SLC2A13: variants seen among roughly 807,000 people sequenced by gnomAD.
The protein encoded by SLC2A13 is solute carrier family 2 member 13.
SLC2A13 carries 32 observed loss-of-function variants against 64.4 expected under a neutral mutation model. That is an observed-to-expected ratio of 0.50 (90% confidence interval 0.37 to 0.67). The LOEUF (loss-of-function observed/expected upper bound fraction) is 0.67. Among genes scored for constraint, SLC2A13 ranks in the 30% least tolerant of loss-of-function variants. SLC2A13 has a pLI of 0.00. For missense variants in SLC2A13, 743 were observed against 829.2 expected (o/e 0.90, Z 1.28); for synonymous variants, 338 against 327.1 (o/e 1.03, Z -0.36).
chr12:39,838,209 G>T (rs544812962), intron 6 of SLC2A13, among the ~76,000 whole-genome samples: 1 of 151,160 alleles, frequency 6.6e-6, no homozygotes, highest in South Asian at 2.1e-4. Context: ...GATGAAATTG[G>T]AAATCATCAT....
chr12:39,795,360 A>G (rs1344714605), intron 7 of SLC2A13, among the ~76,000 whole-genome samples: 1 of 152,140 alleles, frequency 6.6e-6, no homozygotes, highest in Non-Finnish European at 1.5e-5. Context: ...CTTTTCTAGA[A>G]TTTTTATAAT....
chr12:39,883,021 G>A (rs562588523), intron 4 of SLC2A13, among the ~76,000 whole-genome samples: 2 of 152,002 alleles, frequency 1.3e-5, no homozygotes, highest in Non-Finnish European at 2.9e-5. Context: ...GAATGAATGG[G>A]TTCATATGGC....
chr12:39,788,812 C>G (rs1049189207), intron 7 of SLC2A13: 1 of 152,108 alleles, frequency 6.6e-6, no homozygotes, highest in Non-Finnish European at 1.5e-5. Context: ...GCTCAACAAT[C>G]GAAGTTGCCC....
intron 4 of SLC2A13, among the ~76,000 whole-genome samples, chr12:39,918,362 CT>C (rs5797644): frequency 0.2 from 29,200 of 147,218 alleles, 3,062 homozygotes; most frequent in Non-Finnish European, 0.23. Flanking sequence ...CAGAAGTTTC[CT>C]TTTTTTTTTT....
intron 7 of SLC2A13, among the ~76,000 whole-genome samples, chr12:39,822,084 A>C (rs969119223): frequency 2.2e-4 from 20 of 89,832 alleles, no homozygotes; most frequent in African/African-American, 8.6e-4. Context: ...CCCACCCCAC[A>C]ACAGTCCCCA....
chr12:39,818,878 C>G (rs550298407), intron 7 of SLC2A13, among the ~76,000 whole-genome samples: 10 of 152,126 alleles, frequency 6.6e-5, no homozygotes, highest in African/African-American at 2.2e-4. Flanking sequence ...TCTGATCTGG[C>G]CCTTTCCTTC....
chr12:40,011,835 G>A (rs187005952), intron 3 of SLC2A13, among the ~76,000 whole-genome samples: 22 of 152,280 alleles, frequency 1.4e-4, no homozygotes, highest in Admixed American at 4.6e-4. Flanking sequence ...TGTGAGTCCC[G>A]TGCTCAAAAA....
intron 7 of SLC2A13, among the ~76,000 whole-genome samples, chr12:39,807,383 C>T (rs185845014): frequency 1.3e-5 from 2 of 152,258 alleles, no homozygotes; most frequent in East Asian, 1.9e-4. Flanking sequence ...TGGATTGAAA[C>T]AATATCAATC....
At chr12:40,048,243 T>G (rs1193034913) in intron 1 of SLC2A13, 33 bp from the exon 2 acceptor site, 3 of 1,571,532 alleles carry the variant, frequency 1.9e-6, no homozygotes, top group Non-Finnish European at 2.6e-6. Context: ...ATGTGAGACA[T>G]TTACTCAAGA....
chr12:39,785,912 C>T (rs1441973150), intron 7 of SLC2A13, among the ~76,000 whole-genome samples: 2 of 152,272 alleles, frequency 1.3e-5, no homozygotes, highest in East Asian at 3.9e-4. Context: ...GCTGAATTTA[C>T]CCAATACCTG....
intron 3 of SLC2A13, among the ~76,000 whole-genome samples, chr12:40,010,487 T>G (rs1947511544): frequency 6.6e-6 from 1 of 152,192 alleles, no homozygotes; most frequent in African/African-American, 2.4e-5. Flanking sequence ...AGCATTGTTT[T>G]TCTTGCAAAA....
At chr12:39,904,200 T>A (rs1387940594) in intron 4 of SLC2A13, among the ~76,000 whole-genome samples, 1 of 152,086 alleles carries the variant, frequency 6.6e-6, no homozygotes, top group Non-Finnish European at 1.5e-5. Flanking sequence ...GAAATGTTGT[T>A]TACCAGGGAA....
intron 4 of SLC2A13, among the ~76,000 whole-genome samples, chr12:39,947,691 C>T (rs1483151580): frequency 3.8e-5 from 5 of 130,778 alleles, no homozygotes; most frequent in East Asian, 2.5e-4. Context: ...GACGGAGTGT[C>T]GCTCAGTCGC....
chr12:39,959,995 C>T (rs933640879), intron 3 of SLC2A13, among the ~76,000 whole-genome samples: 3 of 152,134 alleles, frequency 2.0e-5, no homozygotes, highest in East Asian at 3.8e-4. Context: ...CCCAGACAGG[C>T]CCCAGTGTGT....
At chr12:40,032,551 T>G (rs1947921120) in intron 2 of SLC2A13, among the ~76,000 whole-genome samples, 1 of 152,144 alleles carries the variant, frequency 6.6e-6, no homozygotes, top group South Asian at 2.1e-4. Flanking sequence ...TCCCACCAAT[T>G]TCACCTCAGG....
In SLC2A13 at chr12:39,898,196, G is replaced by C. The variant is rs1013476079; in HGVS notation, c.1035-26235C>G. ...ATAAATTTCTAGAAGTAAATATGAT[G>C]GGTTTAATGTCTCTTTTTAAGACTA... On this transcript the variant is annotated intron_variant, in intron 4 of 9. Coordinates refer to ENST00000280871, the MANE Select transcript of SLC2A13 (RefSeq NM_052885.4). 2.6e-5 allele frequency among the ~76,000 whole-genome samples: 4 copies of C among 152,062 alleles called. No homozygotes were observed. The South Asian group carries it at 8.3e-4, about 32-fold the overall frequency.
chr12:39,959,341 C>T (rs1946370289), intron 3 of SLC2A13, among the ~76,000 whole-genome samples: 1 of 152,258 alleles, frequency 6.6e-6, no homozygotes, highest in Non-Finnish European at 1.5e-5. Context: ...TATGCCAATA[C>T]ATTCCAAAAT....
chr12:39,916,789 C>T (rs1056315464), intron 4 of SLC2A13, among the ~76,000 whole-genome samples: 2 of 149,686 alleles, frequency 1.3e-5, no homozygotes, highest in Admixed American at 6.8e-5. Flanking sequence ...CCTTCCAAGT[C>T]GGTAGTCATT....
chr12:39,952,298 A>G lies in SLC2A13; in HGVS notation c.926-933T>C, dbSNP rs367951539. Among the ~76,000 whole-genome samples, 63 of 152,226 alleles carry G rather than the reference A, an allele frequency of 4.1e-4. 1 individual carries two copies. The South Asian group carries it at 0.013, about 31-fold the overall frequency. On this transcript the variant is annotated intron_variant, in intron 3 of 9. Coordinates refer to ENST00000280871, the MANE Select transcript of SLC2A13 (RefSeq NM_052885.4). The stretch of plus-strand genomic sequence containing the variant: ...AATGGAGCTAGAGTCAACTCCCAGG[A>G]CCTATGGTATTCCCGCTGTTAGAAG...
Sources: gnomAD v4.1 joint callset for allele counts (sites outside exome capture counted in the v4.1 genomes callset) on GRCh38, gnomAD v4.1.1 for gene constraint, MANE v1.5 for transcripts, NCBI Gene and HGNC (gene_info 2026-07-23, HGNC 2026-07-21) for gene names.